PRIMPOL: variants seen among roughly 807,000 people sequenced by gnomAD.
PRIMPOL encodes the protein DNA-directed primase/polymerase protein.
Under a neutral mutation model 63.6 loss-of-function variants are expected in PRIMPOL, and 54 were observed. The observed-to-expected ratio is 0.85, with a 90% confidence interval of 0.68 to 1.07. The LOEUF (loss-of-function observed/expected upper bound fraction) is 1.07, where lower values mean the gene tolerates loss of function less well. PRIMPOL is among the 50% of genes least tolerant of loss of function. The probability of loss-of-function intolerance (pLI) is 0.00; values close to 1 mark genes in which losing one functional copy is unlikely to be tolerated. For synonymous variants in PRIMPOL, 197 were observed against 220.2 expected, an observed-to-expected ratio of 0.89 and a Z score of 0.93; for missense variants, 610 against 648.3, an observed-to-expected ratio of 0.94 and a Z score of 0.64.
intron 11 of PRIMPOL, among the ~76,000 whole-genome samples, chr4:184,687,860 C>A (rs1373792649): frequency 1.3e-5 from 2 of 152,244 alleles, no homozygotes; most frequent in East Asian, 3.9e-4. Flanking sequence ...AGGTGATCTG[C>A]CTGCCTTGGC....
At position 184,689,333 on chromosome 4, in the gene PRIMPOL, A is replaced by AT. The variant is rs1289365916; in HGVS notation, c.1296-2164dup. Among the ~76,000 whole-genome samples the AT allele has an allele frequency of 2.0e-5, 3 of 151,820 alleles. No individual in the cohort carries two copies. In the East Asian group the frequency reaches 5.8e-4, roughly 29 times the overall value. On this transcript the variant is annotated intron_variant, in intron 11 of 13. Transcript: ENST00000314970. Reference sequence around the variant, plus strand: ...CACCTCAGCCTCCCAAAATGCTGGAATTACAGGTGTGAACCACCTCACCAG... The same window carrying AT: ...CACCTCAGCCTCCCAAAATGCTGGAATTTACAGGTGTGAACCACCTCACCAG...
chr4:184,662,165 C>A (rs1448618335), intron 5 of PRIMPOL, among the ~76,000 whole-genome samples: 1 of 152,036 alleles, frequency 6.6e-6, no homozygotes, highest in East Asian at 1.9e-4. Context: ...TGAAAATTTT[C>A]TATATTTTAA....
At position 184,671,736 on chromosome 4, in the gene PRIMPOL, C is replaced by T. The variant is rs548454629; in HGVS notation, c.557-437C>T. Reference sequence around the variant, plus strand: ...TGGCATATAACAATTTATAGCGACTCGGTTTTTTTTTTTTTTTTTTTGGTA... The same window carrying T: ...TGGCATATAACAATTTATAGCGACTTGGTTTTTTTTTTTTTTTTTTTGGTA... On this transcript the variant is annotated intron_variant, in intron 6 of 13. Coordinates refer to ENST00000314970, the MANE Select transcript of PRIMPOL (RefSeq NM_152683.4). 5.6e-5 allele frequency among the ~76,000 whole-genome samples: 7 copies of T among 124,204 alleles called. No individual in the cohort carries two copies. In the East Asian group the frequency reaches 1.9e-3, roughly 34 times the overall value. 81.5% of individuals were successfully genotyped at this position (124,204 alleles called of 152,430 possible). A position where few individuals can be genotyped will look rare whatever the true frequency, so the allele number is the denominator to read the frequency against.
intron 2 of PRIMPOL, among the ~76,000 whole-genome samples, 187 bp downstream of exon 2, chr4:184,652,287 G>A (rs894973566): frequency 6.6e-6 from 1 of 152,086 alleles, no homozygotes; most frequent in East Asian, 1.9e-4. Context: ...TGAGTTGAAT[G>A]TTGCTATGAA....
At chr4:184,679,339 C>T (rs1754979790) in intron 8 of PRIMPOL, among the ~76,000 whole-genome samples, 1 of 152,002 alleles carries the variant, frequency 6.6e-6, no homozygotes, top group African/African-American at 2.4e-5. Context: ...GCCTGTAGTC[C>T]CAGCTACCCA....
intron 11 of PRIMPOL, among the ~76,000 whole-genome samples, chr4:184,688,759 A>T (rs1757664841): frequency 6.6e-6 from 1 of 152,240 alleles, no homozygotes; most frequent in Non-Finnish European, 1.5e-5. Context: ...CTAAAGTCAG[A>T]AACGTCCTAC....
intron 7 of PRIMPOL, among the ~76,000 whole-genome samples, chr4:184,672,956 TG>T (rs1188134322): frequency 6.6e-6 from 1 of 152,056 alleles, no homozygotes; most frequent in African/African-American, 2.4e-5. Context: ...TGCTAGGCCC[TG>T]GTCTCAGAGC....
At chr4:184,662,397 A>T (rs1352421052) in intron 5 of PRIMPOL, among the ~76,000 whole-genome samples, 1 of 152,216 alleles carries the variant, frequency 6.6e-6, no homozygotes, top group Non-Finnish European at 1.5e-5. Context: ...TTCCTATTCA[A>T]GGTCCTACAG....
At chr4:184,651,932 G>A (rs1203883388) in intron 1 of PRIMPOL, 91 bp from the exon 2 acceptor site, 2 of 152,462 alleles carry the variant, frequency 1.3e-5, no homozygotes, top group African/African-American at 4.8e-5. Context: ...ACAGGCGTGA[G>A]CCACCGTGCC....
At chr4:184,660,907 T>C (rs1748141971) in intron 4 of PRIMPOL, among the ~76,000 whole-genome samples, 1 of 152,188 alleles carries the variant, frequency 6.6e-6, no homozygotes. Flanking sequence ...TAAGTCAGCA[T>C]CTCTCCCTAT....
At chr4:184,669,269 T>C (rs1750913145) in intron 6 of PRIMPOL, among the ~76,000 whole-genome samples, 1 of 152,150 alleles carries the variant, frequency 6.6e-6, no homozygotes, top group South Asian at 2.1e-4. Flanking sequence ...AGCTGGGGAA[T>C]GTTAAGGTTT....
intron 6 of PRIMPOL, 70 bp from the exon 7 acceptor site, chr4:184,672,102 AT>A: frequency 1.5e-6 from 2 of 1,341,948 alleles, no homozygotes. Flanking sequence ...TCATATGTGG[AT>A]TCCTGGCTAG....
intron 2 of PRIMPOL, among the ~76,000 whole-genome samples, chr4:184,655,432 T>TTGCC (rs1179819284): frequency 7.1e-6 from 1 of 139,936 alleles, no homozygotes; most frequent in Non-Finnish European, 1.6e-5. Context: ...AACTATTCTC[T>TTGCC]TGCCTCAGCC....
chr4:184,682,687 G>A (rs189124572), intron 9 of PRIMPOL, among the ~76,000 whole-genome samples: 1 of 152,110 alleles, frequency 6.6e-6, no homozygotes, highest in African/African-American at 2.4e-5. Flanking sequence ...CTATCAAAAT[G>A]TAAGGGTACA....
At chr4:184,679,900 A>T (rs757922803) in intron 8 of PRIMPOL, among the ~76,000 whole-genome samples, 21 of 152,110 alleles carry the variant, frequency 1.4e-4, no homozygotes, top group Admixed American at 9.2e-4. Flanking sequence ...TGCCCCACCC[A>T]TGGAAAGATT....
At position 184,691,553 on chromosome 4, in the gene PRIMPOL, A is replaced by G; in HGVS notation, c.1350A>G (p.Val450=). 6.2e-7 allele frequency: 1 copy of G among 1,608,812 alleles called. No individual in the cohort carries two copies. Among genetic ancestry groups the G allele is most frequent in the Non-Finnish European group, 8.5e-7 (1 of 1,177,120 alleles). ...EVWYQKCHDP[V]CKAENFKSDC... is the part of the protein sequence containing the mutation. ...GGTATCAAAAATGTCATGACCCTGTATGTAAAGCAGAAAACTTCAAATCTG... is the reference window on the plus strand; with the variant it reads ...GGTATCAAAAATGTCATGACCCTGTGTGTAAAGCAGAAAACTTCAAATCTG... The change falls in exon 12 of 14, where the codon GTA becomes GTG. Residue 450 remains valine (V), a synonymous_variant. Coordinates refer to ENST00000314970, the MANE Select transcript of PRIMPOL (RefSeq NM_152683.4).
intron 2 of PRIMPOL, among the ~76,000 whole-genome samples, chr4:184,653,319 G>A (rs965142089): frequency 7.9e-5 from 12 of 152,144 alleles, no homozygotes; most frequent in African/African-American, 1.7e-4. Flanking sequence ...TTAGGTCTGC[G>A]TCATCTCTCC....
At chr4:184,655,940 C>T (rs547468980) in intron 2 of PRIMPOL, among the ~76,000 whole-genome samples, 1 of 152,274 alleles carries the variant, frequency 6.6e-6, no homozygotes, top group Non-Finnish European at 1.5e-5. Context: ...TTAAAAAAGA[C>T]AAAACAACCA....
chr4:184,669,724 G>C (rs1195779694), intron 6 of PRIMPOL, among the ~76,000 whole-genome samples: 1 of 152,184 alleles, frequency 6.6e-6, no homozygotes. Context: ...CAAAACTATA[G>C]AGATAAGAGT....
Sources: allele counts gnomAD v4.1 joint callset (sites outside exome capture counted in the v4.1 genomes callset), GRCh38; gene constraint gnomAD v4.1.1; transcripts MANE v1.5; gene names NCBI Gene and HGNC (gene_info 2026-07-23, HGNC 2026-07-21).